Variants in DTL observed in about 807,000 individuals in gnomAD.
DTL encodes the protein denticleless E3 ubiquitin protein ligase adapter, also known as denticleless protein homolog.
Under a neutral mutation model 87.0 loss-of-function variants are expected in DTL, and 46 were observed. That is an observed-to-expected ratio of 0.53 (90% CI 0.42 to 0.68). The LOEUF is 0.68. DTL is among the 30% of genes least tolerant of loss of function. The pLI is 0.00. For synonymous variants in DTL, 308 were observed against 311.2 expected (o/e 0.99, Z 0.11); for missense variants, 737 against 869.4 (o/e 0.85, Z 1.91).
chr1:212,042,508 A>G (rs147984658), intron 1 of DTL, among the ~76,000 whole-genome samples: 36 of 152,382 alleles, frequency 2.4e-4, no homozygotes, highest in African/African-American at 8.4e-4. Flanking sequence ...TTCAGCACTA[A>G]AGGAAAACAG....
intron 3 of DTL, among the ~76,000 whole-genome samples, chr1:212,046,639 C>G (rs371553855): frequency 1.2e-4 from 18 of 152,348 alleles, no homozygotes; most frequent in African/African-American, 4.1e-4. Context: ...CTTATGGCTG[C>G]ATTGTATTCC....
At chr1:212,088,911 A>T (rs1655205892) in intron 13 of DTL, among the ~76,000 whole-genome samples, 2 of 152,112 alleles carry the variant, frequency 1.3e-5, no homozygotes, top group African/African-American at 4.8e-5. Context: ...ACATGGCAAA[A>T]CCCCATCTCT....
At chr1:212,079,951 A>G (rs1654942073) in intron 12 of DTL, among the ~76,000 whole-genome samples, 1 of 152,196 alleles carries the variant, frequency 6.6e-6, no homozygotes, top group Non-Finnish European at 1.5e-5. Flanking sequence ...CATTTGCCAC[A>G]AGCTCTTCAA....
chr1:212,043,765 G>T (rs1667726119), intron 2 of DTL, among the ~76,000 whole-genome samples: 1 of 151,276 alleles, frequency 6.6e-6, no homozygotes, highest in African/African-American at 2.4e-5. Flanking sequence ...GAGAGGCAGA[G>T]GTTGCAGTGA....
intron 1 of DTL, among the ~76,000 whole-genome samples, chr1:212,036,802 A>G (rs1667481013): frequency 6.6e-6 from 1 of 152,234 alleles, no homozygotes; most frequent in Non-Finnish European, 1.5e-5. Context: ...CAGAAATAAA[A>G]TCTCACTCAT....
chr1:212,046,609 A>G (rs55806741), intron 3 of DTL, among the ~76,000 whole-genome samples: 48,210 of 152,042 alleles, frequency 0.32, 9,018 homozygotes, highest in Middle Eastern at 0.43. Context: ...TGTCCCTGCA[A>G]AGGACATGAT....
At chr1:212,048,941 G>A (rs1046883549) in intron 5 of DTL, among the ~76,000 whole-genome samples, 1 of 148,772 alleles carries the variant, frequency 6.7e-6, no homozygotes, top group Non-Finnish European at 1.5e-5. Context: ...TTTGTTTTTT[G>A]AGACAAAGTC....
At chr1:212,091,700 T>C (rs1348070525) in intron 13 of DTL, among the ~76,000 whole-genome samples, 1 of 152,124 alleles carries the variant, frequency 6.6e-6, no homozygotes, top group East Asian at 1.9e-4. Flanking sequence ...GAAAGACAAA[T>C]ACTGCATGAT....
intron 7 of DTL, 106 bp from the exon 8 acceptor site, chr1:212,066,706 A>G: frequency 3.7e-6 from 3 of 820,564 alleles, no homozygotes. Context: ...ACAAGACTTC[A>G]TCTAAGTCAG....
intron 5 of DTL, chr1:212,051,547 T>C (rs968451015): frequency 1.4e-4 from 79 of 584,088 alleles, no homozygotes; most frequent in Non-Finnish European, 2.4e-4. Context: ...TCATAGGGAA[T>C]AGGTTCCAGC....
intron 5 of DTL, among the ~76,000 whole-genome samples, chr1:212,061,247 C>CAAAAAAAAA (rs1258680124): frequency 9.5e-6 from 1 of 105,340 alleles, no homozygotes. Context: ...GATCCTGTCT[C>CAAAAAAAAA]AAAAAAAAAA....
intron 13 of DTL, among the ~76,000 whole-genome samples, chr1:212,089,917 A>G (rs1403561521): frequency 6.6e-6 from 1 of 152,192 alleles, no homozygotes; most frequent in Non-Finnish European, 1.5e-5. Flanking sequence ...ATAAAATTTT[A>G]GGACTTTCTG....
chr1:212,066,912 G>A lies in DTL; in HGVS notation c.713+27G>A, dbSNP rs571883871. 44 of 1,576,780 alleles carry A rather than the reference G, an allele frequency of 2.8e-5. 1 individual carries two copies. Among genetic ancestry groups the A allele is most frequent in the African/African-American group, 1.9e-4 (14 of 74,072 alleles). ...TAAGAGTCTATTTCTTTTTTCTTCC[G>A]ACGAGATCTTTTTTATGAGATTGTG... On this transcript the variant is annotated intron_variant, in intron 8 of 14. Transcript: ENST00000366991.
chr1:212,053,746 C>T (rs552871024), intron 5 of DTL, among the ~76,000 whole-genome samples: 100 of 151,810 alleles, frequency 6.6e-4, no homozygotes, highest in Non-Finnish European at 1.2e-3. Flanking sequence ...CCACCACACC[C>T]AGCTAATTTT....
At chr1:212,083,830 A>G (rs1027468218) in intron 13 of DTL, among the ~76,000 whole-genome samples, 3 of 152,220 alleles carry the variant, frequency 2.0e-5, no homozygotes, top group Admixed American at 1.3e-4. Context: ...TAAACACACA[A>G]CCTTGTGGAA....
intron 1 of DTL, among the ~76,000 whole-genome samples, chr1:212,037,868 C>A (rs1368123712): frequency 6.6e-6 from 1 of 152,146 alleles, no homozygotes; most frequent in Non-Finnish European, 1.5e-5. Context: ...CTCACTGAGC[C>A]CTTTCATACC....
intron 12 of DTL, among the ~76,000 whole-genome samples, chr1:212,080,001 C>CTAGAATA (rs1240158129): frequency 6.6e-6 from 1 of 152,170 alleles, no homozygotes; most frequent in Admixed American, 6.5e-5. Flanking sequence ...GGACCAAGAT[C>CTAGAATA]TAGAATAGTC....
At chr1:212,073,878 T>C (rs1244800059) in intron 11 of DTL, among the ~76,000 whole-genome samples, 2 of 152,122 alleles carry the variant, frequency 1.3e-5, no homozygotes, top group East Asian at 1.9e-4. Flanking sequence ...CTCTGTCTTA[T>C]ATTTAAAATT....
chr1:212,091,903 C>T (rs76379201), intron 13 of DTL, among the ~76,000 whole-genome samples: 3,996 of 152,210 alleles, frequency 0.026, 59 homozygotes, highest in African/African-American at 0.047. Context: ...CCTATATACA[C>T]AATAAAAATA....
Sources: allele counts gnomAD v4.1 joint callset (sites outside exome capture counted in the v4.1 genomes callset), GRCh38; gene constraint gnomAD v4.1.1; transcripts MANE v1.5; gene names NCBI Gene and HGNC (gene_info 2026-07-23, HGNC 2026-07-21).